The following TYR variants were observed in gnomAD, a reference collection of about 807,000 sequenced individuals.
TYR encodes the protein LB24-AB.
A neutral mutation model predicts 51.5 loss-of-function variants in TYR; 58 were observed. The observed-to-expected ratio is 1.13, with a 90% CI of 0.91 to 1.40. The LOEUF (loss-of-function observed/expected upper bound fraction) is 1.40, where lower values mean the gene tolerates loss of function less well. Among genes scored for constraint, TYR ranks in the 40% most tolerant of loss-of-function variants. The pLI is 0.00. For synonymous variants in TYR, 263 were observed against 235.2 expected (o/e 1.12, Z -1.08); for missense variants, 732 against 647.4 (o/e 1.13, Z -1.42).
chr11:89,187,589 T>C (rs568126975), intron 1 of TYR, among the ~76,000 whole-genome samples: 51 of 152,254 alleles, frequency 3.3e-4, no homozygotes, highest in African/African-American at 1.2e-3. Context: ...TTTAAGATAC[T>C]TGCTAAGATT....
chr11:89,197,320 CT>C (rs1943533686), intron 2 of TYR, among the ~76,000 whole-genome samples: 1 of 152,102 alleles, frequency 6.6e-6, no homozygotes, highest in Admixed American at 6.6e-5. Flanking sequence ...TTATAGGCCT[CT>C]AGGAATATGT....
intron 1 of TYR, among the ~76,000 whole-genome samples, chr11:89,190,564 A>G (rs941075976): frequency 6.6e-6 from 1 of 152,184 alleles, no homozygotes; most frequent in Non-Finnish European, 1.5e-5. Flanking sequence ...TAAAAAATTA[A>G]GTAAAAAAGT....
In TYR at chr11:89,271,717, C is replaced by A. The variant is rs778742165; in HGVS notation, c.1185-13056C>A. ...TGTAGCATGTGATGCTGTTTGATAG[C>A]ATTTTGCCTACAGTAGAACTTCTTG... On this transcript the variant is annotated intron_variant, in intron 3 of 4. Coordinates refer to ENST00000263321, the MANE Select transcript of TYR (RefSeq NM_000372.5). Among the ~76,000 whole-genome samples the A allele has an allele frequency of 4.1e-4, 63 of 151,914 alleles. 1 individual carries two copies. The highest frequency in any genetic ancestry group is 8.1e-4 in the Non-Finnish European group (55 of 67,906).
At chr11:89,279,783 T>C (rs1213704272) in intron 3 of TYR, among the ~76,000 whole-genome samples, 1 of 151,678 alleles carries the variant, frequency 6.6e-6, no homozygotes, top group South Asian at 2.1e-4. Flanking sequence ...TGGTCAAGTT[T>C]CTCAAACTGT....
At chr11:89,207,564 C>T (rs1348683279) in intron 2 of TYR, among the ~76,000 whole-genome samples, 4 of 152,120 alleles carry the variant, frequency 2.6e-5, no homozygotes, top group African/African-American at 7.2e-5. Flanking sequence ...AAATTCTATA[C>T]AATCTGTTCC....
In TYR at chr11:89,191,115, C is replaced by T. The variant is rs551650017; in HGVS notation, c.820-87C>T. On this transcript the variant is annotated intron_variant, in intron 1 of 4. Coordinates refer to ENST00000263321, the MANE Select transcript of TYR (RefSeq NM_000372.5). ...AATCTCCTCAGGAGAAGTCTAACAA[C>T]GATAATTAGGAGTTCCAACATTTCT... The T allele has an allele frequency of 3.5e-5, 42 of 1,199,062 alleles. No individual in the cohort carries two copies. The African/African-American group carries it at 3.7e-4, about 11-fold the overall frequency. The allele number at this position is 1,199,062 out of a possible 1,614,324, so 74.3% of individuals were successfully genotyped here. A position where few individuals can be genotyped will look rare whatever the true frequency, so the allele number is the denominator to read the frequency against.
rs192415576 is a variant in TYR at position 89,243,419 on chromosome 11, G to A, written c.1184+15449G>A. Among the ~76,000 whole-genome samples, 603 of 152,190 alleles carry A rather than the reference G, an allele frequency of 4.0e-3. 12 individuals are homozygous for A. Among genetic ancestry groups the A allele is most frequent in the Non-Finnish European group, 1.4e-3 (94 of 67,992 alleles). On this transcript the variant is annotated intron_variant, in intron 3 of 4. Transcript: ENST00000263321. ...GTAGTTCAAGCATCACCTTGTCAGT[G>A]CAGCTTTCTCCACTTCCCCAAGGTC... is the stretch of plus-strand genomic sequence containing the variant.
chr11:89,194,923 A>G (rs945730469), intron 2 of TYR, among the ~76,000 whole-genome samples: 8 of 152,210 alleles, frequency 5.3e-5, no homozygotes, highest in Non-Finnish European at 1.2e-4. Flanking sequence ...GAAATTAGCC[A>G]TGACTCCAAG....
intron 3 of TYR, among the ~76,000 whole-genome samples, chr11:89,257,579 G>C (rs958068970): frequency 2.0e-5 from 3 of 151,962 alleles, no homozygotes; most frequent in Non-Finnish European, 4.4e-5. Context: ...AATGAGACAT[G>C]AAATGTTAAT....
intron 3 of TYR, among the ~76,000 whole-genome samples, chr11:89,229,850 T>C (rs1331383744): frequency 6.6e-6 from 1 of 151,986 alleles, no homozygotes; most frequent in Non-Finnish European, 1.5e-5. Context: ...AAATGAAAGA[T>C]GTGTACACTG....
At chr11:89,225,669 AT>A (rs1405847799) in intron 2 of TYR, among the ~76,000 whole-genome samples, 1 of 151,870 alleles carries the variant, frequency 6.6e-6, no homozygotes, top group East Asian at 1.9e-4. Flanking sequence ...TGGTGGATAC[AT>A]TTTTTGAAAG....
At chr11:89,282,041 G>A (rs185869503) in intron 3 of TYR, among the ~76,000 whole-genome samples, 2 of 151,896 alleles carry the variant, frequency 1.3e-5, no homozygotes, top group Admixed American at 1.3e-4. Context: ...GAGAATCACT[G>A]GTGAAGAACT....
At chr11:89,239,966 T>G (rs1444086743) in intron 3 of TYR, among the ~76,000 whole-genome samples, 2 of 152,200 alleles carry the variant, frequency 1.3e-5, no homozygotes, top group East Asian at 3.8e-4. Flanking sequence ...ATATGATCTA[T>G]CCTTATGATA....
intron 2 of TYR, among the ~76,000 whole-genome samples, chr11:89,191,749 G>C (rs1209125863): frequency 6.6e-6 from 1 of 152,074 alleles, no homozygotes; most frequent in East Asian, 1.9e-4. Context: ...AACAAAGTGA[G>C]AGACTCTGAG....
chr11:89,269,482 A>G (rs1213679419), intron 3 of TYR, among the ~76,000 whole-genome samples: 1 of 151,910 alleles, frequency 6.6e-6, no homozygotes, highest in Non-Finnish European at 1.5e-5. Context: ...AAAAGGAGAG[A>G]AAAAAACACC....
In TYR at chr11:89,226,458, T is replaced by C. The variant is rs928412180; in HGVS notation, c.1037-1365T>C. On this transcript the variant is annotated intron_variant, in intron 2 of 4. Transcript: ENST00000263321. Reference sequence around the variant, plus strand: ...ACAGAAGTTGTCATAGACAAAACTGTGTAAAGGAGAGGGATGTGCATGTTC... The same window carrying C: ...ACAGAAGTTGTCATAGACAAAACTGCGTAAAGGAGAGGGATGTGCATGTTC... 4.3e-4 allele frequency among the ~76,000 whole-genome samples: 66 copies of C among 152,164 alleles called. 1 individual carries two copies. Among genetic ancestry groups the C allele is most frequent in the Admixed American group, 4.3e-3 (66 of 15,244 alleles).
At chr11:89,248,826 T>A (rs761091633) in intron 3 of TYR, among the ~76,000 whole-genome samples, 3 of 152,032 alleles carry the variant, frequency 2.0e-5, no homozygotes, top group Non-Finnish European at 4.4e-5. Flanking sequence ...ACCACAGAGG[T>A]GACAATGGAG....
chr11:89,231,490 C>A (rs893351997), intron 3 of TYR, among the ~76,000 whole-genome samples: 1 of 142,958 alleles, frequency 7.0e-6, no homozygotes, highest in African/African-American at 2.8e-5. Context: ...TCATTTGCAA[C>A]AACACGGATG....
At chr11:89,279,411 G>A (rs1191427263) in intron 3 of TYR, among the ~76,000 whole-genome samples, 1 of 151,610 alleles carries the variant, frequency 6.6e-6, no homozygotes, top group Non-Finnish European at 1.5e-5. Context: ...GCACAGAGAG[G>A]TCAAGAAGAA....
Sources: gnomAD v4.1 joint callset for allele counts (sites outside exome capture counted in the v4.1 genomes callset) on GRCh38, gnomAD v4.1.1 for gene constraint, MANE v1.5 for transcripts, NCBI Gene and HGNC (gene_info 2026-07-23, HGNC 2026-07-21) for gene names.